The following BPNT2 variants were observed in gnomAD, a reference collection of about 807,000 sequenced individuals.
The protein encoded by BPNT2 is 3'(2'), 5'-bisphosphate nucleotidase 2.
BPNT2 carries 11 observed loss-of-function variants against 29.3 expected under a neutral mutation model. That is an observed-to-expected ratio of 0.38 (90% confidence interval 0.24 to 0.62). The LOEUF is 0.62. Ranked by LOEUF, BPNT2 falls within the 20% of genes least tolerant of loss-of-function variation. The pLI, the probability that BPNT2 is intolerant of heterozygous loss-of-function variation, is 0.62. For synonymous variants in BPNT2, 195 were observed against 187.7 expected (o/e 1.04, Z -0.32); for missense variants, 459 against 473.4 (o/e 0.97, Z 0.28).
At chr8:56,982,626 G>A (rs999574497) in intron 1 of BPNT2, among the ~76,000 whole-genome samples, 7 of 150,980 alleles carry the variant, frequency 4.6e-5, no homozygotes, top group Non-Finnish European at 8.9e-5. Flanking sequence ...CGAGACACAT[G>A]AAAAAACATG....
rs1317239865 is a variant in BPNT2 at position 56,960,732 on chromosome 8, C to A, written c.*3061G>T. On this transcript the variant is annotated 3_prime_UTR_variant, in exon 5 of 5. Transcript: ENST00000262644. ...TCTCTTGTATTTTTTTTTACATTTA[C>A]ATTCTTGAACAATGGGTAGAAAGAA... 1.3e-5 allele frequency: 2 copies of A among 152,084 alleles called. No individual in the cohort carries two copies. Among genetic ancestry groups the A allele is most frequent in the African/African-American group, 4.8e-5 (2 of 41,408 alleles). The allele number at this position is 152,084 out of a possible 1,614,324, so 9.4% of individuals were successfully genotyped here.
At chr8:56,965,520 G>A (rs1467148270) in intron 4 of BPNT2, among the ~76,000 whole-genome samples, 1 of 152,086 alleles carries the variant, frequency 6.6e-6, no homozygotes, top group Non-Finnish European at 1.5e-5. Context: ...GTCATGGCCT[G>A]TTCTTACAGG....
intron 3 of BPNT2, among the ~76,000 whole-genome samples, chr8:56,976,481 C>T (rs1265786550): frequency 6.6e-6 from 1 of 152,096 alleles, no homozygotes; most frequent in East Asian, 1.9e-4. Context: ...TATAATTAAT[C>T]TTACAGTATA....
intron 3 of BPNT2, among the ~76,000 whole-genome samples, chr8:56,971,106 T>A (rs1326874271): frequency 6.6e-6 from 1 of 152,118 alleles, no homozygotes; most frequent in East Asian, 1.9e-4. Flanking sequence ...TCATGTTACA[T>A]AAACTCAATA....
Position 56,964,081 on chromosome 8 carries a change from G to C in BPNT2, c.809-17C>G. 1 of 1,544,756 alleles carries C rather than the reference G, an allele frequency of 6.5e-7. No individual in the cohort carries two copies. The highest frequency in any genetic ancestry group is 1.2e-5 in the South Asian group (1 of 84,574). Reference sequence around the variant, plus strand: ...CTTTATAACCTAAAAGATAAACAAAGAATTTAGGTTATTATTCAAAAAATT... The same window carrying C: ...CTTTATAACCTAAAAGATAAACAAACAATTTAGGTTATTATTCAAAAAATT... On this transcript the variant is annotated splice_polypyrimidine_tract_variant and intron_variant, in intron 4 of 4. Coordinates refer to ENST00000262644, the MANE Select transcript of BPNT2 (RefSeq NM_017813.5).
Position 56,962,523 on chromosome 8 carries a change from G to A in BPNT2, c.*1270C>T, listed in dbSNP as rs1240318754. On this transcript the variant is annotated 3_prime_UTR_variant, in exon 5 of 5. Transcript: ENST00000262644. ...GAAGTTTCCAGATTTCACATTGAGAGAAACCATACATCCCAATGAAAGACA... is the reference window on the plus strand; with the variant it reads ...GAAGTTTCCAGATTTCACATTGAGAAAAACCATACATCCCAATGAAAGACA... The A allele has an allele frequency of 6.6e-6, 1 of 152,096 alleles. No homozygotes were observed. Among genetic ancestry groups the A allele is most frequent in the Admixed American group, 6.6e-5 (1 of 15,264 alleles). 9.4% of individuals were successfully genotyped at this position (152,096 alleles called of 1,614,324 possible).
At chr8:56,991,198 G>A (rs1806411095) in intron 1 of BPNT2, among the ~76,000 whole-genome samples, 1 of 152,148 alleles carries the variant, frequency 6.6e-6, no homozygotes, top group South Asian at 2.1e-4. Context: ...TCCCTACTTT[G>A]ACACTGTATA....
At chr8:56,977,995 T>C (rs567363967) in intron 3 of BPNT2, 55 bp downstream of exon 3, 3 of 1,087,312 alleles carry the variant, frequency 2.8e-6, no homozygotes, top group Admixed American at 1.7e-5. Flanking sequence ...CAGTAAATAC[T>C]ATAGACAAAC....
chr8:56,979,775 A>T (rs1183584370), intron 2 of BPNT2, among the ~76,000 whole-genome samples: 1 of 152,196 alleles, frequency 6.6e-6, no homozygotes, highest in Non-Finnish European at 1.5e-5. Context: ...GGTACCTAGA[A>T]ATTTACTATT....
intron 1 of BPNT2, among the ~76,000 whole-genome samples, chr8:56,981,093 G>C (rs181175810): frequency 6.6e-6 from 1 of 152,084 alleles, no homozygotes; most frequent in African/African-American, 2.4e-5. Flanking sequence ...AGCATCCCTG[G>C]CTGAATGCCA....
intron 1 of BPNT2, among the ~76,000 whole-genome samples, chr8:56,987,965 T>A (rs1267271816): frequency 6.6e-6 from 1 of 151,990 alleles, no homozygotes; most frequent in African/African-American, 2.4e-5. Flanking sequence ...CCCGACCTCA[T>A]GATCCACCCG....
intron 3 of BPNT2, among the ~76,000 whole-genome samples, chr8:56,973,542 C>A (rs776401774): frequency 7.9e-5 from 12 of 152,134 alleles, no homozygotes; most frequent in Non-Finnish European, 1.5e-4. Flanking sequence ...TCAAGAAAAT[C>A]ATGAGAGTGC....
chr8:56,990,271 TC>T (rs1273600914), intron 1 of BPNT2, among the ~76,000 whole-genome samples: 1 of 152,160 alleles, frequency 6.6e-6, no homozygotes, highest in African/African-American at 2.4e-5. Flanking sequence ...AAACAGACAG[TC>T]CCCTGTACAT....
At chr8:56,982,187 A>C (rs923690367) in intron 1 of BPNT2, among the ~76,000 whole-genome samples, 23 of 148,024 alleles carry the variant, frequency 1.6e-4, no homozygotes, top group African/African-American at 5.8e-4. Context: ...GCAGTGGTGT[A>C]ATCTCGGCTC....
intron 3 of BPNT2, among the ~76,000 whole-genome samples, chr8:56,968,633 A>C (rs1805986558): frequency 1.3e-5 from 2 of 152,308 alleles, no homozygotes; most frequent in South Asian, 4.1e-4. Flanking sequence ...TGATCATGCC[A>C]CTGCACTTCA....
chr8:56,979,647 C>G (rs1158687439), intron 2 of BPNT2, among the ~76,000 whole-genome samples: 1 of 152,040 alleles, frequency 6.6e-6, no homozygotes, highest in Non-Finnish European at 1.5e-5. Context: ...AAATTAGCTA[C>G]CTGTGGGTAA....
At chr8:56,972,011 C>T (rs562794925) in intron 3 of BPNT2, among the ~76,000 whole-genome samples, 5 of 149,622 alleles carry the variant, frequency 3.3e-5, no homozygotes, top group Middle Eastern at 3.4e-3. Flanking sequence ...AGGAGAATGG[C>T]GTGAACCTGG....
chr8:56,958,181 C>T lies in BPNT2; in HGVS notation c.*5612G>A, dbSNP rs1805770017. 6.6e-6 allele frequency: 1 copy of T among 152,110 alleles called. No homozygotes were observed. The highest frequency in any genetic ancestry group is 6.5e-5 in the Admixed American group (1 of 15,274). The allele number at this position is 152,110 out of a possible 1,614,324, so 9.4% of individuals were successfully genotyped here. A position where few individuals can be genotyped will look rare whatever the true frequency, so the allele number is the denominator to read the frequency against. The stretch of plus-strand genomic sequence containing the variant: ...TTATACAACCAAGGCACAAAATATG[C>T]TAATGCTAATAATCCTTTATTCAAT... On this transcript the variant is annotated 3_prime_UTR_variant, in exon 5 of 5. Transcript: ENST00000262644.
chr8:56,963,816 G>A lies in BPNT2; in HGVS notation c.1057C>T (p.Leu353=). The A allele has an allele frequency of 1.2e-6, 2 of 1,614,136 alleles. No homozygotes were observed. The highest frequency in any genetic ancestry group is 2.2e-5 in the South Asian group (2 of 91,080). The part of the protein sequence containing the change: ...HQALVRKLPD[L]EKTGHK ...GCTCATTTATGTCCTGTCTTTTCTA[G>A]ATCTGGGAGTTTTCTGACCAGGGCC... The change falls in exon 5 of 5, where the codon CTA becomes TTA. Residue 353 remains leucine (L), a synonymous_variant. Coordinates refer to ENST00000262644, the MANE Select transcript of BPNT2 (RefSeq NM_017813.5).
Sources: allele counts gnomAD v4.1 joint callset (sites outside exome capture counted in the v4.1 genomes callset), GRCh38; gene constraint gnomAD v4.1.1; transcripts MANE v1.5; gene names NCBI Gene and HGNC (gene_info 2026-07-23, HGNC 2026-07-21).